The following HTT variants were observed in gnomAD, a reference collection of about 807,000 sequenced individuals.
HTT encodes huntington disease protein.
HTT carries 104 observed loss-of-function variants against 362.3 expected under a neutral mutation model. The ratio of observed to expected loss-of-function variants is 0.29; its 90% CI spans 0.24 to 0.34. The LOEUF is 0.34. Among genes scored for constraint, HTT ranks in the 10% least tolerant of loss-of-function variants. The probability of loss-of-function intolerance (pLI) is 1.00; values close to 1 mark genes in which losing one functional copy is unlikely to be tolerated. For missense variants in HTT, 3,301 were observed against 3,928.6 expected, an observed-to-expected ratio of 0.84 and a Z score of 4.27; for synonymous variants, 1,577 against 1,548.7, an observed-to-expected ratio of 1.02 and a Z score of -0.43.
Position 3,173,019 on chromosome 4 carries a change from C to T in HTT, c.4054C>T (p.Pro1352Ser). ...AQRLGSSSVRPGLYHYCFMAP... is the reference protein window; with the variant it reads ...AQRLGSSSVRSGLYHYCFMAP... ...GCGCCTTGGCTCCTCCAGTGTGAGG[C>T]CAGGCTTGTACCACTACTGCTTCAT... Residue 1352 changes from proline (P) to serine (S), a missense_variant, in exon 31 of 67, where the codon CCA becomes TCA. Physicochemically the swap from Pro to Ser is moderately conservative, Grantham distance 74. Coordinates refer to ENST00000355072, the MANE Select transcript of HTT (RefSeq NM_001388492.1). 2 of 1,614,134 alleles carry T rather than the reference C, an allele frequency of 1.2e-6. No individual in the cohort carries two copies. Among genetic ancestry groups the T allele is most frequent in the East Asian group, 4.5e-5 (2 of 44,872 alleles).
Position 3,094,417 on chromosome 4 carries a change from A to G in HTT, c.348-4857A>G, listed in dbSNP as rs187134705. 1.8e-3 allele frequency among the ~76,000 whole-genome samples: 275 copies of G among 152,192 alleles called. 2 individuals carry two copies. The highest frequency in any genetic ancestry group is 3.1e-3 in the Admixed American group (48 of 15,294). On this transcript the variant is annotated intron_variant, in intron 2 of 66. Transcript: ENST00000355072. ...CCACCGTCATCATGGACTGTTCTCA[A>G]TGAGCTATTGGGTACACCTCCCAGA...
At chr4:3,224,190 T>A in intron 56 of HTT, 59 bp downstream of exon 56, 1 of 1,569,420 alleles carries the variant, frequency 6.4e-7, no homozygotes, top group Non-Finnish European at 8.8e-7. Context: ...GAGAGAAGAC[T>A]GGCATGCTCA....
Position 3,132,891 on chromosome 4 carries a change from T to C in HTT, c.2473T>C (p.Leu825=). ...LKDESSVTCK[L]ACTAVRNCVM... is the part of the protein sequence containing the mutation. ...GGATGAGTCTTCTGTTACTTGCAAG[T>C]TAGCTTGTACAGCTGTGAGGGTGAG... Residue 825 remains leucine (L), a synonymous_variant, in exon 18 of 67, where the codon TTA becomes CTA. Coordinates refer to ENST00000355072, the MANE Select transcript of HTT (RefSeq NM_001388492.1). The C allele has an allele frequency of 6.2e-7, 1 of 1,613,106 alleles. No individual in the cohort carries two copies. The highest frequency in any genetic ancestry group is 1.1e-5 in the South Asian group (1 of 91,054).
At chr4:3,100,842 C>T (rs979622347) in intron 3 of HTT, among the ~76,000 whole-genome samples, 4 of 152,234 alleles carry the variant, frequency 2.6e-5, no homozygotes, top group African/African-American at 4.8e-5. Context: ...ATCCTCCTGG[C>T]TTGGCCCCTT....
At chr4:3,080,233 T>C (rs1480409554) in intron 1 of HTT, among the ~76,000 whole-genome samples, 2 of 152,268 alleles carry the variant, frequency 1.3e-5, no homozygotes, top group South Asian at 2.1e-4. Context: ...TAACTGGGAT[T>C]ACAGGCGTAT....
intron 22 of HTT, 100 bp from the exon 23 acceptor site, chr4:3,142,666 A>C (rs2110200258): frequency 1.6e-6 from 1 of 625,320 alleles, no homozygotes; most frequent in East Asian, 3.0e-5. Flanking sequence ...AGACTGCTTA[A>C]CTTTTTTTAA....
chr4:3,215,285 C>G, intron 51 of HTT, 74 bp downstream of exon 51: 1 of 1,133,094 alleles, frequency 8.8e-7, no homozygotes, highest in South Asian at 1.3e-5. Flanking sequence ...GAGACGTGCA[C>G]CGCGGTGAGT....
chr4:3,236,762 C>G (rs73792377), intron 64 of HTT, among the ~76,000 whole-genome samples: 1,760 of 152,210 alleles, frequency 0.012, 41 homozygotes, highest in African/African-American at 0.04. Flanking sequence ...CTTCTGCCCC[C>G]CACCACCCCC....
Position 3,134,416 on chromosome 4 carries a change from C to G in HTT, c.2509C>G (p.Leu837Val), listed in dbSNP as rs1715967159. The change falls in exon 19 of 67, where the codon CTC becomes GTC. Residue 837 changes from leucine (L) to valine (V), a missense_variant. Physicochemically the swap from Leu to Val is conservative, Grantham distance 32. Around this residue, in one of 4 missense-constraint regions of HTT, gnomAD observed 2,316 missense variants for 2,658.5 expected, o/e 0.87. Transcript: ENST00000355072. ...CTAVRNCVMS[L>V]CSSSYSELGL... ...TGTGTTCCAGAACTGTGTCATGAGTCTCTGCAGCAGCAGCTACAGTGAGTT... is the reference window on the plus strand; with the variant it reads ...TGTGTTCCAGAACTGTGTCATGAGTGTCTGCAGCAGCAGCTACAGTGAGTT... 2.5e-6 allele frequency: 4 copies of G among 1,613,740 alleles called. No individual in the cohort carries two copies. The African/African-American group carries it at 4.0e-5, about 16-fold the overall frequency.
chr4:3,213,513 A>G (rs531490844), intron 49 of HTT, among the ~76,000 whole-genome samples: 108 of 152,338 alleles, frequency 7.1e-4, no homozygotes, highest in Non-Finnish European at 1.3e-3. Flanking sequence ...GGCTTAGAGA[A>G]TTTCAGTGAC....
chr4:3,111,784 G>A (rs375300252), intron 6 of HTT, among the ~76,000 whole-genome samples: 2 of 152,230 alleles, frequency 1.3e-5, no homozygotes, highest in Non-Finnish European at 2.9e-5. Context: ...TTGGATTGGA[G>A]GGAAGACCTC....
At position 3,206,267 on chromosome 4, in the gene HTT, G is replaced by C. The variant is rs1410261834; in HGVS notation, c.5719-229G>C. On this transcript the variant is annotated intron_variant, in intron 42 of 66. Coordinates refer to ENST00000355072, the MANE Select transcript of HTT (RefSeq NM_001388492.1). The surrounding 1 kb of genome is among the most constrained non-coding windows in gnomAD (Gnocchi z 4.6). ...CTGCTGTACCCTACTTCCCCAGGGG[G>C]CCTAACTTCACACAGCCTCTGCCGC... Among the ~76,000 whole-genome samples, 2 of 151,118 alleles carry C rather than the reference G, an allele frequency of 1.3e-5. No homozygotes were observed. The highest frequency in any genetic ancestry group is 3.0e-5 in the Non-Finnish European group (2 of 67,388).
intron 59 of HTT, 125 bp downstream of exon 59, chr4:3,229,134 C>A: frequency 2.2e-6 from 2 of 898,232 alleles, no homozygotes; most frequent in Non-Finnish European, 3.4e-6. Context: ...ATGCATGCAA[C>A]ACACACACAG....
chr4:3,174,452 T>C (rs1476050815), intron 31 of HTT, among the ~76,000 whole-genome samples: 2 of 152,248 alleles, frequency 1.3e-5, no homozygotes, highest in Non-Finnish European at 2.9e-5. Flanking sequence ...GTAGTCAGTT[T>C]CCTGTAGCAG....
intron 37 of HTT, among the ~76,000 whole-genome samples, chr4:3,183,142 A>G (rs1041785246): frequency 6.6e-6 from 1 of 152,252 alleles, no homozygotes; most frequent in African/African-American, 2.4e-5. Flanking sequence ...TTGGCCTGCC[A>G]AAGTGCTGGC....
At chr4:3,232,426 G>T (rs568377787) in intron 60 of HTT, among the ~76,000 whole-genome samples, 4 of 152,282 alleles carry the variant, frequency 2.6e-5, no homozygotes, top group East Asian at 3.9e-4. Context: ...CTTCTGCAGG[G>T]GTCTCCTCAC....
At chr4:3,139,874 T>C (rs957529758) in intron 21 of HTT, among the ~76,000 whole-genome samples, 3 of 151,612 alleles carry the variant, frequency 2.0e-5, no homozygotes, top group African/African-American at 7.3e-5. Flanking sequence ...TCAGAAGGTT[T>C]AGAAAGAGAA....
Position 3,227,913 on chromosome 4 carries a change from G to A in HTT, c.7849-702G>A, listed in dbSNP as rs995115568. 3.7e-4 allele frequency among the ~76,000 whole-genome samples: 57 copies of A among 152,246 alleles called. 1 individual carries two copies. Among genetic ancestry groups the A allele is most frequent in the Admixed American group, 3.7e-3 (57 of 15,288 alleles). ...TTGGGAAAGAGGGGTGGGGGTTAGG[G>A]GTCTGGGCGAGGGGAGTGCAGGGGC... is the stretch of plus-strand genomic sequence containing the variant. On this transcript the variant is annotated intron_variant, in intron 57 of 66. Coordinates refer to ENST00000355072, the MANE Select transcript of HTT (RefSeq NM_001388492.1).
At chr4:3,084,802 A>G (rs1713113783) in intron 1 of HTT, among the ~76,000 whole-genome samples, 1 of 152,024 alleles carries the variant, frequency 6.6e-6, no homozygotes, top group Non-Finnish European at 1.5e-5. Flanking sequence ...TCACGAGGTC[A>G]GGAGATCCAG....
Sources: allele counts gnomAD v4.1 joint callset (sites outside exome capture counted in the v4.1 genomes callset), GRCh38; gene constraint gnomAD v4.1.1; regional missense constraint gnomAD v4.1.1; non-coding constraint Gnocchi (gnomAD v3.1); transcripts MANE v1.5; gene names NCBI Gene and HGNC (gene_info 2026-07-23, HGNC 2026-07-21).